ZNF778: variants seen among roughly 807,000 people sequenced by gnomAD.
ZNF778 encodes zinc finger protein 778.
Under a neutral mutation model 23.9 loss-of-function variants are expected in ZNF778, and 37 were observed. The observed-to-expected ratio is 1.54, with a 90% CI of 1.19 to 2.03. The LOEUF is 2.03. Among genes scored for constraint, ZNF778 ranks in the 30% most tolerant of loss-of-function variants. ZNF778 has a pLI of 0.00. For synonymous variants in ZNF778, 483 were observed against 343.9 expected (o/e 1.40, Z -4.48); for missense variants, 1,297 against 934.4 (o/e 1.39, Z -5.06).
rs1199132561 is a variant in ZNF778, at chr16:89,229,148, C to T, written c.*586C>T. The T allele has an allele frequency of 4.1e-6, 4 of 986,080 alleles. No homozygotes were observed. The highest frequency in any genetic ancestry group is 4.7e-5 in the South Asian group (1 of 21,320). The allele number at this position is 986,080 out of a possible 1,614,324, so 61.1% of individuals were successfully genotyped here. ...TCCTCCAGTCTGGTTGCTACAGTGT[C>T]CACGTCGCAGCCTGGCTAACAGTAG... On this transcript the variant is annotated 3_prime_UTR_variant, in exon 7 of 7. Transcript: ENST00000433976.
rs1408718039 is a variant in ZNF778 at position 89,222,142 on chromosome 16, G to A, written c.76G>A (p.Ala26Thr). 5.0e-6 allele frequency: 8 copies of A among 1,606,062 alleles called. No homozygotes were observed. Among genetic ancestry groups the A allele is most frequent in the Non-Finnish European group, 6.8e-6 (8 of 1,175,036 alleles). Residue 26 changes from alanine to threonine, a missense_variant, in exon 3 of 7, where the codon GCA (alanine) becomes ACA (threonine). Coordinates refer to ENST00000433976, the MANE Select transcript of ZNF778 (RefSeq NM_001201407.2). ...CTGCCTTCATGAAGAACAGACACAG[G>A]CAGCAGGGATGGTGGCTGGCTGGCT... ...SVCLHEEQTQ[A>T]AGMVAGWLIN...
At position 89,230,329 on chromosome 16, in the gene ZNF778, A is replaced by G. The variant is rs1467485604; in HGVS notation, c.*1767A>G. 6.5e-6 allele frequency: 1 copy of G among 153,536 alleles called. No homozygotes were observed. Among genetic ancestry groups the G allele is most frequent in the Non-Finnish European group, 1.4e-5 (1 of 69,288 alleles). 9.5% of individuals were successfully genotyped at this position (153,536 alleles called of 1,614,324 possible). ...AGGAGGGAATTCCTGTACCTTAGGC[A>G]GTGCCGGACGGGTGAGAGCCCTGAG... On this transcript the variant is annotated 3_prime_UTR_variant, in exon 7 of 7. Coordinates refer to ENST00000433976, the MANE Select transcript of ZNF778 (RefSeq NM_001201407.2).
At chr16:89,221,247 G>T in intron 2 of ZNF778, 95 bp downstream of exon 2, 2 of 1,404,006 alleles carry the variant, frequency 1.4e-6, no homozygotes, top group Non-Finnish European at 9.7e-7. Flanking sequence ...GAGTAGTCAC[G>T]CTCCGGGTTC....
rs186915682 is a variant in ZNF778, at chr16:89,232,093, C to A, written c.*3531C>A. 5.5e-4 allele frequency: 87 copies of A among 157,530 alleles called. No homozygotes were observed. The Middle Eastern group carries it at 0.01, about 18-fold the overall frequency. 9.8% of individuals were successfully genotyped at this position (157,530 alleles called of 1,614,324 possible). ...ATCAAGTCTCATGTTGAGCTTTGAC[C>A]CTCAGTGTGGCAGTGCTGGGAGGGG... On this transcript the variant is annotated 3_prime_UTR_variant, in exon 7 of 7. Coordinates refer to ENST00000433976, the MANE Select transcript of ZNF778 (RefSeq NM_001201407.2).
In ZNF778 at chr16:89,223,396, A is replaced by T. The variant is rs2031160104; in HGVS notation, c.244+113A>T. On this transcript the variant is annotated intron_variant, in intron 4 of 6. Coordinates refer to ENST00000433976, the MANE Select transcript of ZNF778 (RefSeq NM_001201407.2). ...GAGTACCACGGGAAGTAAGAGATAT[A>T]ACAACTGTGCTAGTAGGCTTGGTGC... 3 of 1,453,554 alleles carry T rather than the reference A, an allele frequency of 2.1e-6. No homozygotes were observed. In the South Asian group the frequency reaches 3.6e-5, roughly 17 times the overall value. 90.0% of individuals were successfully genotyped at this position (1,453,554 alleles called of 1,614,324 possible).
chr16:89,223,888 C>G (rs548743207), intron 4 of ZNF778, among the ~76,000 whole-genome samples: 10 of 151,670 alleles, frequency 6.6e-5, no homozygotes, highest in Non-Finnish European at 1.5e-4. Context: ...AAAAAACAAA[C>G]GTAGTTCCTG....
intron 5 of ZNF778, among the ~76,000 whole-genome samples, chr16:89,225,170 C>T (rs913822186): frequency 6.0e-5 from 7 of 117,014 alleles, no homozygotes; most frequent in Admixed American, 1.2e-4. Flanking sequence ...GGCTGGAGTG[C>T]AGTGGCACAA....
chr16:89,218,673 C>G (rs555552465), intron 1 of ZNF778, among the ~76,000 whole-genome samples: 4 of 152,252 alleles, frequency 2.6e-5, no homozygotes, highest in African/African-American at 4.8e-5. Flanking sequence ...CTCCTGTAGT[C>G]CCAGCTACTC....
At position 89,233,638 on chromosome 16, in the gene ZNF778, C is replaced by T. The variant is rs1166318222; in HGVS notation, c.*5076C>T. 8.8e-7 allele frequency: 1 copy of T among 1,142,672 alleles called. No homozygotes were observed. The highest frequency in any genetic ancestry group is 2.7e-5 in the Admixed American group (1 of 37,660). 70.8% of individuals were successfully genotyped at this position (1,142,672 alleles called of 1,614,324 possible). A position where few individuals can be genotyped will look rare whatever the true frequency, so the allele number is the denominator to read the frequency against. On this transcript the variant is annotated 3_prime_UTR_variant, in exon 7 of 7. Transcript: ENST00000433976. The stretch of plus-strand genomic sequence containing the variant: ...AACTCAACTCACACTGTATGCAACT[C>T]AGCTCGCTCTGCATATGCAATTCAA...
rs1401611222 is a variant in ZNF778 at position 89,234,382 on chromosome 16, A to G, written c.*5820A>G. ...GTTTTTTCCAAAGTGGTTGTGAAAC[A>G]GCATCTCCTTGGGGTGTTGGTTTGC... On this transcript the variant is annotated 3_prime_UTR_variant, in exon 7 of 7. Coordinates refer to ENST00000433976, the MANE Select transcript of ZNF778 (RefSeq NM_001201407.2). The G allele has an allele frequency of 3.4e-6, 1 of 290,740 alleles. No individual in the cohort carries two copies. Among genetic ancestry groups the G allele is most frequent in the East Asian group, 8.9e-5 (1 of 11,288 alleles). 18.0% of individuals were successfully genotyped at this position (290,740 alleles called of 1,614,324 possible).
At chr16:89,225,363 A>G (rs542319635) in intron 5 of ZNF778, among the ~76,000 whole-genome samples, 192 bp from the exon 6 acceptor site, 1 of 151,688 alleles carries the variant, frequency 6.6e-6, no homozygotes, top group African/African-American at 2.4e-5. Context: ...TTCACCTCAC[A>G]TTTCTTCTTT....
chr16:89,227,608 A>G lies in ZNF778; in HGVS notation c.1320A>G (p.Val440=). The G allele has an allele frequency of 1.9e-6, 3 of 1,614,172 alleles. No homozygotes were observed. Among genetic ancestry groups the G allele is most frequent in the African/African-American group, 2.7e-5 (2 of 75,044 alleles). The change falls in exon 7 of 7, where the codon GTA becomes GTG. Residue 440 remains valine (V), a synonymous_variant. Transcript: ENST00000433976. Reference sequence around the variant, plus strand: ...TGCGCTGTGGCCTTACTAGACACGTACGAACACACACGGGCGAGAAGCCAT... The same window carrying G: ...TGCGCTGTGGCCTTACTAGACACGTGCGAACACACACGGGCGAGAAGCCAT... ...FTVRCGLTRH[V]RTHTGEKPYT... is the part of the protein sequence containing the mutation.
rs374454261 is a variant in ZNF778, at chr16:89,228,467, C to T, written c.2179C>T (p.Gln727Ter). 6 of 1,613,564 alleles carry T rather than the reference C, an allele frequency of 3.7e-6. No homozygotes were observed. The highest frequency in any genetic ancestry group is 5.1e-6 in the Non-Finnish European group (6 of 1,179,806). The stretch of plus-strand genomic sequence containing the variant: ...ACATTTAAAAACTTACACTGAAGAG[C>T]AGGTTTTTGTATGTAAGGACTGTGG... ...KEHLKTYTEE[Q>*]VFVCKDCGKS... The change falls in exon 7 of 7, where the codon CAG becomes TAG. Residue 727 changes from glutamine (Q) to a stop codon, truncating the protein, a stop_gained. Coordinates refer to ENST00000433976, the MANE Select transcript of ZNF778 (RefSeq NM_001201407.2). LOFTEE classifies it low-confidence loss of function (END_TRUNC).
rs759474130 is a variant in ZNF778 at position 89,226,776 on chromosome 16, A to T, written c.488A>T (p.His163Leu). The T allele has an allele frequency of 6.2e-7, 1 of 1,614,004 alleles. No homozygotes were observed. The highest frequency in any genetic ancestry group is 1.7e-5 in the Admixed American group (1 of 60,014). Residue 163 changes from histidine (H) to leucine (L), a missense_variant, in exon 7 of 7, where the codon CAC becomes CTC. Physicochemically the swap from His to Leu is moderately conservative, Grantham distance 99. Coordinates refer to ENST00000433976, the MANE Select transcript of ZNF778 (RefSeq NM_001201407.2). Reference protein sequence around the residue: ...AFSEHSGLSTHVRTQNTGDSC... With the variant: ...AFSEHSGLSTLVRTQNTGDSC... ...AGTGAACACTCAGGCCTCAGCACAC[A>T]CGTGAGAACTCAAAATACAGGAGAC...
At chr16:89,221,257 C>G in intron 2 of ZNF778, 105 bp downstream of exon 2, 1 of 1,318,864 alleles carries the variant, frequency 7.6e-7, no homozygotes, top group South Asian at 1.3e-5. Context: ...GCTCCGGGTT[C>G]CTATTGCAGC....
In ZNF778 at chr16:89,227,976, G is replaced by A; in HGVS notation, c.1688G>A (p.Cys563Tyr). The change falls in exon 7 of 7, where the codon TGT becomes TAT. Residue 563 changes from cysteine (C) to tyrosine (Y), a missense_variant. Physicochemically the swap from Cys to Tyr is radical, Grantham distance 194. Transcript: ENST00000433976. ...KTHTEEKPFICTVCRKSFRNS... is the reference protein window; with the variant it reads ...KTHTEEKPFIYTVCRKSFRNS... ...CACACAGAGGAGAAGCCCTTTATAT[G>A]TACGGTATGCAGGAAATCCTTCAGA... 1.9e-6 allele frequency: 3 copies of A among 1,590,024 alleles called. No individual in the cohort carries two copies. Among genetic ancestry groups the A allele is most frequent in the Non-Finnish European group, 2.6e-6 (3 of 1,165,154 alleles).
Position 89,222,186 on chromosome 16 carries a change from A to T in ZNF778, c.117+3A>T, listed in dbSNP as rs1428434138. 1 of 1,594,650 alleles carries T rather than the reference A, an allele frequency of 6.3e-7. No individual in the cohort carries two copies. Among genetic ancestry groups the T allele is most frequent in the Non-Finnish European group, 8.6e-7 (1 of 1,168,800 alleles). On this transcript the variant is annotated splice_donor_region_variant and intron_variant, in intron 3 of 6. Transcript: ENST00000433976. ...GCTGGCTGATAAATTGTTACCAGGTATGCCAAAACTGTATTTTTTCTTAAA... is the reference window on the plus strand; with the variant it reads ...GCTGGCTGATAAATTGTTACCAGGTTTGCCAAAACTGTATTTTTTCTTAAA...
chr16:89,219,952 C>G (rs4785770), intron 1 of ZNF778, among the ~76,000 whole-genome samples: 125,121 of 152,228 alleles, frequency 0.82, 53,026 homozygotes, highest in Non-Finnish European at 0.92. Flanking sequence ...GCCCCTGAAT[C>G]ACAAGCTCTC....
chr16:89,227,396 T>G lies in ZNF778; in HGVS notation c.1108T>G (p.Cys370Gly), dbSNP rs1445975553. Reference sequence around the variant, plus strand: ...ACAGAAGCCCTATGAATGTAAGGACTGTGGGAAAGCCTGCGGTGGGTTTTA... The same window carrying G: ...ACAGAAGCCCTATGAATGTAAGGACGGTGGGAAAGCCTGCGGTGGGTTTTA... ...PGQKPYECKD[C>G]GKACGGFYLL... Residue 370 changes from cysteine (C) to glycine (G), a missense_variant, in exon 7 of 7, where the codon TGT becomes GGT. Cys to Gly is a radical substitution (Grantham distance 159). Coordinates refer to ENST00000433976, the MANE Select transcript of ZNF778 (RefSeq NM_001201407.2). 4.3e-6 allele frequency: 7 copies of G among 1,613,876 alleles called. No individual in the cohort carries two copies. The Admixed American group carries it at 1.2e-4, about 27-fold the overall frequency.
Sources: allele counts gnomAD v4.1 joint callset (sites outside exome capture counted in the v4.1 genomes callset), GRCh38; gene constraint gnomAD v4.1.1; transcripts MANE v1.5; gene names NCBI Gene and HGNC (gene_info 2026-07-23, HGNC 2026-07-21).